Variants in ARHGAP12 observed in about 807,000 individuals in gnomAD.
The protein encoded by ARHGAP12 is Rho GTPase activating protein 12.
In ARHGAP12, 64 loss-of-function variants were observed where a neutral mutation model predicts 108.6. The ratio of observed to expected loss-of-function variants is 0.59; its 90% CI spans 0.48 to 0.73. The LOEUF (loss-of-function observed/expected upper bound fraction) is 0.73, where lower values mean the gene tolerates loss of function less well. ARHGAP12 is among the 30% of genes least tolerant of loss of function. The pLI, the probability that ARHGAP12 is intolerant of heterozygous loss-of-function variation, is 0.00. For missense variants in ARHGAP12, 940 were observed against 1,005.9 expected (o/e 0.93, Z 0.89); for synonymous variants, 312 against 337.2 (o/e 0.93, Z 0.82).
At chr10:31,817,024 G>A (rs1233274042) in intron 13 of ARHGAP12, among the ~76,000 whole-genome samples, 1 of 152,000 alleles carries the variant, frequency 6.6e-6, no homozygotes, top group Non-Finnish European at 1.5e-5. Context: ...TCCCCATATG[G>A]TGAAAGGTGA....
intron 3 of ARHGAP12, among the ~76,000 whole-genome samples, chr10:31,895,621 G>C (rs895272813): frequency 3.9e-5 from 6 of 152,206 alleles, no homozygotes; most frequent in Non-Finnish European, 7.3e-5. Flanking sequence ...TAGAGAAATA[G>C]GAACACTTTT....
intron 1 of ARHGAP12, among the ~76,000 whole-genome samples, chr10:31,923,938 G>C (rs986397705): frequency 1.3e-5 from 2 of 152,148 alleles, no homozygotes; most frequent in African/African-American, 4.8e-5. Flanking sequence ...TTGTTATACA[G>C]CAATTATACC....
At chr10:31,848,871 G>C (rs1005525676) in intron 6 of ARHGAP12, among the ~76,000 whole-genome samples, 3 of 152,024 alleles carry the variant, frequency 2.0e-5, no homozygotes, top group Non-Finnish European at 4.4e-5. Flanking sequence ...AGGAGTTCGA[G>C]ACTAGTCTGA....
intron 1 of ARHGAP12, among the ~76,000 whole-genome samples, chr10:31,925,095 AG>A (rs1839976013): frequency 6.6e-6 from 1 of 152,196 alleles, no homozygotes; most frequent in Non-Finnish European, 1.5e-5. Flanking sequence ...GCTTATTAGT[AG>A]TACATACTGC....
At chr10:31,919,245 C>T (rs541624199) in intron 1 of ARHGAP12, among the ~76,000 whole-genome samples, 11 of 152,228 alleles carry the variant, frequency 7.2e-5, no homozygotes, top group African/African-American at 2.6e-4. Context: ...GAAGTTACTG[C>T]TTAATGGGTA....
In ARHGAP12 at chr10:31,860,355, C is replaced by T. The variant is rs572703883; in HGVS notation, c.948+1040G>A. 7.2e-5 allele frequency among the ~76,000 whole-genome samples: 11 copies of T among 152,260 alleles called. No homozygotes were observed. The South Asian group carries it at 8.3e-4, about 11-fold the overall frequency. On this transcript the variant is annotated intron_variant, in intron 4 of 19. Transcript: ENST00000344936. ...ATGTCCTATGCAGGTGGAGGGACTC[C>T]AACCTACCAAATGGCAGGATTTCAC...
intron 1 of ARHGAP12, among the ~76,000 whole-genome samples, chr10:31,923,534 A>G (rs564326887): frequency 6.6e-6 from 1 of 152,348 alleles, no homozygotes; most frequent in South Asian, 2.1e-4. Context: ...GAAACTCGCA[A>G]GTCAATCAAC....
chr10:31,864,009 G>T (rs1458156248), intron 3 of ARHGAP12, among the ~76,000 whole-genome samples: 1 of 152,078 alleles, frequency 6.6e-6, no homozygotes, highest in Non-Finnish European at 1.5e-5. Context: ...CAAGAGCAGG[G>T]AAGAATTAAA....
intron 3 of ARHGAP12, among the ~76,000 whole-genome samples, chr10:31,887,787 A>G (rs960396779): frequency 1.3e-5 from 2 of 151,148 alleles, no homozygotes; most frequent in Non-Finnish European, 1.5e-5. Flanking sequence ...CCTCCCAAGT[A>G]GCTGGGACTA....
In ARHGAP12 at chr10:31,833,416, G is replaced by T. The variant is rs543861919; in HGVS notation, c.1387-1616C>A. ...AATGGATGGCATAGCAGTAGTGATA[G>T]ACAGCCTAAGCCTAAGGATGAGAGG... is the stretch of plus-strand genomic sequence containing the variant. On this transcript the variant is annotated intron_variant, in intron 9 of 19. Coordinates refer to ENST00000344936, the MANE Select transcript of ARHGAP12 (RefSeq NM_018287.7). Among the ~76,000 whole-genome samples the T allele has an allele frequency of 2.1e-3, 313 of 151,956 alleles. 1 individual carries two copies. Among genetic ancestry groups the T allele is most frequent in the Non-Finnish European group, 3.5e-3 (239 of 67,984 alleles).
At position 31,807,848 on chromosome 10, in the gene ARHGAP12, G is replaced by C; in HGVS notation, c.2367-16C>G. ...TTCTATAACTCTGAAGGGAAAAAAA[G>C]AAGTTGTTAAAAGAGAAAATAAGAG... On this transcript the variant is annotated splice_polypyrimidine_tract_variant and intron_variant, in intron 19 of 19. Transcript: ENST00000344936. 1 of 1,491,984 alleles carries C rather than the reference G, an allele frequency of 6.7e-7. No individual in the cohort carries two copies. Among genetic ancestry groups the C allele is most frequent in the Non-Finnish European group, 9.0e-7 (1 of 1,117,168 alleles). 92.4% of individuals were successfully genotyped at this position (1,491,984 alleles called of 1,614,324 possible).
At position 31,928,753 on chromosome 10, in the gene ARHGAP12, G is replaced by C. The variant is rs546036713; in HGVS notation, c.-181C>G. ...CCCCGCGGCTGCGGGTCGACGACGC[G>C]AGCCCGAAGAGCGTTCACACGGCTA... On this transcript the variant is annotated 5_prime_UTR_variant, in exon 1 of 20. Transcript: ENST00000344936. 2 of 151,840 alleles carry C rather than the reference G, an allele frequency of 1.3e-5. No individual in the cohort carries two copies. The highest frequency in any genetic ancestry group is 6.6e-5 in the Admixed American group (1 of 15,254). The allele number at this position is 151,840 out of a possible 1,614,324, so 9.4% of individuals were successfully genotyped here. A position where few individuals can be genotyped will look rare whatever the true frequency, so the allele number is the denominator to read the frequency against.
chr10:31,807,974 C>A, intron 19 of ARHGAP12, 142 bp from the exon 20 acceptor site: 1 of 534,512 alleles, frequency 1.9e-6, no homozygotes, highest in Non-Finnish European at 3.0e-6. Context: ...ACTATTTAAC[C>A]AAGTAGAATT....
At chr10:31,834,983 G>A (rs1294257725) in intron 9 of ARHGAP12, among the ~76,000 whole-genome samples, 4 of 152,038 alleles carry the variant, frequency 2.6e-5, no homozygotes, top group Non-Finnish European at 5.9e-5. Context: ...GGTGGATCAC[G>A]AGGTCAGGAG....
At chr10:31,927,740 G>A (rs1476921015) in intron 1 of ARHGAP12, among the ~76,000 whole-genome samples, 1 of 152,150 alleles carries the variant, frequency 6.6e-6, no homozygotes, top group Non-Finnish European at 1.5e-5. Flanking sequence ...GCAGTCAAAA[G>A]GAAAACATCA....
At chr10:31,895,950 G>T (rs1050809740) in intron 3 of ARHGAP12, among the ~76,000 whole-genome samples, 6 of 152,250 alleles carry the variant, frequency 3.9e-5, no homozygotes, top group Admixed American at 2.0e-4. Flanking sequence ...GGACATGGAT[G>T]AAGCTGGAAA....
intron 3 of ARHGAP12, among the ~76,000 whole-genome samples, chr10:31,865,059 G>A (rs1837272565): frequency 6.6e-6 from 1 of 152,154 alleles, no homozygotes; most frequent in Non-Finnish European, 1.5e-5. Flanking sequence ...AGGGAATGAT[G>A]CTGACATACT....
chr10:31,809,664 A>G (rs1342742217), intron 16 of ARHGAP12: 1 of 185,728 alleles, frequency 5.4e-6, no homozygotes, highest in African/African-American at 2.4e-5. Flanking sequence ...CAGCCCATGC[A>G]TATTTTGCAT....
intron 1 of ARHGAP12, among the ~76,000 whole-genome samples, chr10:31,923,069 TG>T (rs966145874): frequency 7.0e-6 from 1 of 142,084 alleles, no homozygotes; most frequent in African/African-American, 2.7e-5. Context: ...AGTTCGCGAC[TG>T]CAGTGAACTG....
Sources: allele counts gnomAD v4.1 joint callset (sites outside exome capture counted in the v4.1 genomes callset), GRCh38; gene constraint gnomAD v4.1.1; transcripts MANE v1.5; gene names NCBI Gene and HGNC (gene_info 2026-07-23, HGNC 2026-07-21).